Variants in NFYC observed in about 807,000 individuals in gnomAD.
NFYC encodes the protein nuclear transcription factor Y subunit gamma.
NFYC carries 25 observed loss-of-function variants against 53.1 expected under a neutral mutation model. The ratio of observed to expected loss-of-function variants is 0.47; its 90% CI spans 0.34 to 0.66. NFYC has a LOEUF of 0.66. NFYC is among the 30% of genes least tolerant of loss of function. NFYC has a pLI of 0.01. For synonymous variants in NFYC, 145 were observed against 152.6 expected, an observed-to-expected ratio of 0.95 and a Z score of 0.37; for missense variants, 260 against 422.7, an observed-to-expected ratio of 0.62 and a Z score of 3.38.
At chr1:40,707,029 A>C (rs609254) in intron 1 of NFYC, among the ~76,000 whole-genome samples, 1 of 151,954 alleles carries the variant, frequency 6.6e-6, no homozygotes, top group South Asian at 2.1e-4. Context: ...AATTAGTCGG[A>C]TGTGGTGGTG....
At chr1:40,692,108 A>G (rs1642844612) in intron 1 of NFYC, 1 of 195,874 alleles carries the variant, frequency 5.1e-6, no homozygotes, top group Non-Finnish European at 1.1e-5. Flanking sequence ...CATTGGCGGA[A>G]GGCGACGGCG....
rs541460306 is a variant in NFYC at position 40,738,153 on chromosome 1, C to T, written c.-8-683C>T. Among the ~76,000 whole-genome samples, 9 of 152,180 alleles carry T rather than the reference C, an allele frequency of 5.9e-5. No homozygotes were observed. The East Asian group carries it at 1.7e-3, about 29-fold the overall frequency. On this transcript the variant is annotated intron_variant, in intron 1 of 9. Transcript: ENST00000447388. Reference sequence around the variant, plus strand: ...TCCTGACCTTGTGATCCGCCCGCCTCGGCCTCCCAAAGTGCTGGGATTACA... The same window carrying T: ...TCCTGACCTTGTGATCCGCCCGCCTTGGCCTCCCAAAGTGCTGGGATTACA...
Position 40,738,954 on chromosome 1 carries a change from G to C in NFYC, c.105+6G>C. 2 of 1,586,132 alleles carry C rather than the reference G, an allele frequency of 1.3e-6. No homozygotes were observed. Among genetic ancestry groups the C allele is most frequent in the Non-Finnish European group, 1.7e-6 (2 of 1,154,348 alleles). ...AAATCCGGAATTTAACAGTGGTGAG[G>C]AAGAATGAGAAACTTTTATTAGAAA... On this transcript the variant is annotated splice_donor_region_variant and intron_variant, in intron 2 of 9. Transcript: ENST00000447388.
At chr1:40,727,199 T>TTTTG (rs202182565) in intron 1 of NFYC, among the ~76,000 whole-genome samples, 9 of 152,120 alleles carry the variant, frequency 5.9e-5, no homozygotes, top group Non-Finnish European at 7.4e-5. Context: ...GAATGGCTTT[T>TTTTG]TTTGTTTGTT....
intron 1 of NFYC, among the ~76,000 whole-genome samples, chr1:40,714,702 A>G (rs1366163802): frequency 6.1e-5 from 9 of 147,056 alleles, no homozygotes; most frequent in Admixed American, 6.1e-4. Context: ...GCAACCTTAA[A>G]CTCCTGGGCT....
intron 1 of NFYC, 88 bp downstream of exon 1, chr1:40,691,955 C>T (rs967719788): frequency 3.2e-6 from 1 of 317,118 alleles, no homozygotes; most frequent in South Asian, 2.3e-5. Flanking sequence ...TCGCCAGAGA[C>T]CTCACTTCCT....
chr1:40,697,591 C>G (rs1643220837), intron 1 of NFYC, among the ~76,000 whole-genome samples: 2 of 152,206 alleles, frequency 1.3e-5, no homozygotes, highest in African/African-American at 4.8e-5. Flanking sequence ...TTCGGAACAA[C>G]TGGTGTTTTC....
intron 1 of NFYC, among the ~76,000 whole-genome samples, chr1:40,708,958 A>G (rs920569100): frequency 2.0e-5 from 3 of 152,196 alleles, no homozygotes; most frequent in Non-Finnish European, 4.4e-5. Context: ...ATTACCTTAA[A>G]TTTTTTAAAT....
At chr1:40,731,287 G>C (rs1197042879) in intron 1 of NFYC, among the ~76,000 whole-genome samples, 1 of 152,024 alleles carries the variant, frequency 6.6e-6, no homozygotes, top group African/African-American at 2.4e-5. Flanking sequence ...CGATTCTCAT[G>C]CCTTAGCCTC....
At chr1:40,732,380 T>C (rs1644814413) in intron 1 of NFYC, among the ~76,000 whole-genome samples, 1 of 152,222 alleles carries the variant, frequency 6.6e-6, no homozygotes, top group Non-Finnish European at 1.5e-5. Context: ...GGCATATCAC[T>C]AAGAGAAGAT....
chr1:40,761,599 T>C (rs1452620192), intron 6 of NFYC, among the ~76,000 whole-genome samples: 1 of 152,212 alleles, frequency 6.6e-6, no homozygotes, highest in Non-Finnish European at 1.5e-5. Flanking sequence ...CATGTACTTT[T>C]AGAACACTCT....
At chr1:40,760,803 G>A (rs1478167376) in intron 6 of NFYC, among the ~76,000 whole-genome samples, 3 of 152,136 alleles carry the variant, frequency 2.0e-5, no homozygotes, top group Non-Finnish European at 4.4e-5. Flanking sequence ...TTGAGTGCTT[G>A]TTCTATGCCA....
intron 1 of NFYC, among the ~76,000 whole-genome samples, chr1:40,736,892 C>T (rs909214093): frequency 1.4e-5 from 2 of 145,810 alleles, no homozygotes; most frequent in Admixed American, 6.9e-5. Flanking sequence ...TTTGGGAGGA[C>T]GAGGCAGGTG....
In NFYC at chr1:40,733,019, C is replaced by CCCTT. The variant is rs35467973; in HGVS notation, c.-8-5817_-8-5816insCCTT. 3.6e-4 allele frequency among the ~76,000 whole-genome samples: 37 copies of CCCTT among 103,184 alleles called. No individual in the cohort carries two copies. In the South Asian group the frequency reaches 6.6e-3, roughly 18 times the overall value. The allele number at this position is 103,184 out of a possible 152,430, so 67.7% of individuals were successfully genotyped here. On this transcript the variant is annotated intron_variant, in intron 1 of 9. Transcript: ENST00000447388. ...GCTTTCCAAGATTCGCCCCCCCCCC[C>CCCTT]TTTTTTTTTTTTCCTGAAAGGCCAT...
chr1:40,750,115 G>A (rs1162010235), intron 4 of NFYC, among the ~76,000 whole-genome samples: 2 of 151,568 alleles, frequency 1.3e-5, no homozygotes, highest in Non-Finnish European at 2.9e-5. Flanking sequence ...TTTGTTCCTT[G>A]TCAGCCTTCC....
chr1:40,750,412 T>C (rs1645848323), intron 4 of NFYC, among the ~76,000 whole-genome samples: 1 of 152,216 alleles, frequency 6.6e-6, no homozygotes, highest in Non-Finnish European at 1.5e-5. Context: ...GTTTATTCAT[T>C]TATTCTAAAA....
chr1:40,704,873 C>T (rs1237040817), intron 1 of NFYC, among the ~76,000 whole-genome samples: 1 of 152,142 alleles, frequency 6.6e-6, no homozygotes, highest in Admixed American at 6.5e-5. Context: ...TAAGGAGTTG[C>T]TTTCTGCAGG....
chr1:40,724,698 TA>T (rs571947947), intron 1 of NFYC, among the ~76,000 whole-genome samples: 107 of 152,368 alleles, frequency 7.0e-4, no homozygotes, highest in African/African-American at 2.5e-3. Context: ...TTTCATTGTT[TA>T]TACCAGTTGC....
chr1:40,766,555 C>G, intron 7 of NFYC, 41 bp from the exon 8 acceptor site: 1 of 1,464,566 alleles, frequency 6.8e-7, no homozygotes, highest in South Asian at 1.2e-5. Context: ...TGAGATTATA[C>G]TCAATGTCTT....
Sources: gnomAD v4.1 joint callset for allele counts (sites outside exome capture counted in the v4.1 genomes callset) on GRCh38, gnomAD v4.1.1 for gene constraint, MANE v1.5 for transcripts, NCBI Gene and HGNC (gene_info 2026-07-23, HGNC 2026-07-21) for gene names.